Variants in CCDC91 observed in about 807,000 individuals in gnomAD.
The protein encoded by CCDC91 is coiled-coil domain-containing protein 91.
In CCDC91, 48 loss-of-function variants were observed where a neutral mutation model predicts 63.2. That is an observed-to-expected ratio of 0.76 (90% CI 0.60 to 0.97). The LOEUF is 0.97. Among genes scored for constraint, CCDC91 ranks in the 50% least tolerant of loss-of-function variants. The pLI is 0.00. For synonymous variants in CCDC91, 167 were observed against 165.8 expected (o/e 1.01, Z -0.06); for missense variants, 500 against 494.6 (o/e 1.01, Z -0.10).
Position 28,406,810 on chromosome 12 carries a change from A to AT in CCDC91, c.762+15408dup, listed in dbSNP as rs375722489. 9.0e-4 allele frequency among the ~76,000 whole-genome samples: 133 copies of AT among 148,198 alleles called. 1 individual carries two copies. In the East Asian group the frequency reaches 0.013, roughly 14 times the overall value. On this transcript the variant is annotated intron_variant, in intron 8 of 12. Coordinates refer to ENST00000536442, the MANE Select transcript of CCDC91 (RefSeq NM_018318.5). Reference sequence around the variant, plus strand: ...TTATATATGGTATCAGATTTTAACTATTTTTTTTTGAATATCAATACCCAA... The same window carrying AT: ...TTATATATGGTATCAGATTTTAACTATTTTTTTTTTGAATATCAATACCCAA...
At chr12:28,209,780 C>T (rs1250484308) in intron 1 of CCDC91, among the ~76,000 whole-genome samples, 1 of 152,056 alleles carries the variant, frequency 6.6e-6, no homozygotes, top group Admixed American at 6.6e-5. Flanking sequence ...TTAGCTTTAT[C>T]TAATTTTAAA....
At chr12:28,513,141 A>G (rs952231976) in intron 12 of CCDC91, among the ~76,000 whole-genome samples, 6 of 151,884 alleles carry the variant, frequency 4.0e-5, no homozygotes, top group Non-Finnish European at 7.4e-5. Context: ...TGAATAAACA[A>G]AAGAACATGC....
intron 3 of CCDC91, among the ~76,000 whole-genome samples, chr12:28,284,931 G>A (rs1397432004): frequency 6.6e-6 from 1 of 152,128 alleles, no homozygotes; most frequent in Admixed American, 6.5e-5. Flanking sequence ...TTTACTATGT[G>A]AAACATAACT....
chr12:28,353,557 T>C (rs1345264203), intron 6 of CCDC91, among the ~76,000 whole-genome samples: 4 of 152,146 alleles, frequency 2.6e-5, no homozygotes, highest in Non-Finnish European at 5.9e-5. Flanking sequence ...TATTATAGGG[T>C]TATTAATTGG....
chr12:28,210,572 T>A (rs1943165472), intron 1 of CCDC91, among the ~76,000 whole-genome samples: 2 of 152,166 alleles, frequency 1.3e-5, no homozygotes, highest in Admixed American at 1.3e-4. Context: ...GTGCCTCCTG[T>A]TTTTCCCAAG....
intron 8 of CCDC91, among the ~76,000 whole-genome samples, chr12:28,436,982 C>G (rs1252305099): frequency 1.3e-5 from 2 of 151,536 alleles, no homozygotes; most frequent in Non-Finnish European, 2.9e-5. Flanking sequence ...GAGTCTCGCT[C>G]TGTCTCCCAG....
chr12:28,271,217 G>A (rs1947747569), intron 3 of CCDC91, among the ~76,000 whole-genome samples: 1 of 152,044 alleles, frequency 6.6e-6, no homozygotes, highest in Admixed American at 6.6e-5. Flanking sequence ...GAGACAGAGG[G>A]AAACAGAGAG....
chr12:28,416,121 T>G (rs1475092743), intron 8 of CCDC91, among the ~76,000 whole-genome samples: 3 of 152,136 alleles, frequency 2.0e-5, no homozygotes, highest in Non-Finnish European at 4.4e-5. Flanking sequence ...TCCAAAAATC[T>G]AACACAGGAA....
At chr12:28,314,584 A>G (rs1021792234) in intron 6 of CCDC91, among the ~76,000 whole-genome samples, 3 of 151,912 alleles carry the variant, frequency 2.0e-5, no homozygotes, top group African/African-American at 7.2e-5. Flanking sequence ...TGAAGGAAAT[A>G]TTAGTACACA....
At chr12:28,489,344 G>A (rs1951880135) in intron 12 of CCDC91, among the ~76,000 whole-genome samples, 1 of 151,866 alleles carries the variant, frequency 6.6e-6, no homozygotes. Flanking sequence ...GCAGAAAAAT[G>A]AGATGGGAAA....
At chr12:28,331,925 G>C (rs1941550384) in intron 6 of CCDC91, among the ~76,000 whole-genome samples, 2 of 152,142 alleles carry the variant, frequency 1.3e-5, no homozygotes, top group African/African-American at 2.4e-5. Flanking sequence ...AACAATGTGA[G>C]ATGTGATACA....
At chr12:28,463,880 A>G (rs987235193) in intron 11 of CCDC91, among the ~76,000 whole-genome samples, 2 of 152,178 alleles carry the variant, frequency 1.3e-5, no homozygotes, top group African/African-American at 4.8e-5. Flanking sequence ...TAACTTCTAC[A>G]CAGAAAAAGC....
At chr12:28,395,536 A>G (rs565163312) in intron 8 of CCDC91, among the ~76,000 whole-genome samples, 1 of 152,254 alleles carries the variant, frequency 6.6e-6, no homozygotes, top group South Asian at 2.1e-4. Flanking sequence ...GAAACATTTT[A>G]CTTACGTTTC....
intron 1 of CCDC91, among the ~76,000 whole-genome samples, chr12:28,214,115 C>T (rs555315716): frequency 6.6e-6 from 1 of 152,056 alleles, no homozygotes; most frequent in East Asian, 1.9e-4. Context: ...GATCTTAGTT[C>T]CAGATGGTGG....
chr12:28,367,901 A>C (rs1944376658), intron 7 of CCDC91, among the ~76,000 whole-genome samples: 1 of 152,122 alleles, frequency 6.6e-6, no homozygotes, highest in South Asian at 2.1e-4. Context: ...CAGAACAAAA[A>C]CTGACCTTCC....
At chr12:28,227,969 A>C (rs1944373364) in intron 1 of CCDC91, among the ~76,000 whole-genome samples, 1 of 152,086 alleles carries the variant, frequency 6.6e-6, no homozygotes, top group African/African-American at 2.4e-5. Flanking sequence ...AGCGTGTCTA[A>C]AGAGTTTAGG....
chr12:28,194,937 A>G (rs1269229904), intron 1 of CCDC91, among the ~76,000 whole-genome samples: 4 of 152,216 alleles, frequency 2.6e-5, no homozygotes, highest in African/African-American at 9.6e-5. Flanking sequence ...GTTACAGCTC[A>G]TAAAGATAGT....
intron 3 of CCDC91, among the ~76,000 whole-genome samples, chr12:28,266,778 T>G (rs2136282152): frequency 6.6e-6 from 1 of 152,060 alleles, no homozygotes; most frequent in Middle Eastern, 3.4e-3. Context: ...CTATAGGGAT[T>G]TTCTGATACT....
At position 28,484,949 on chromosome 12, in the gene CCDC91, TATATA is replaced by T. The variant is rs1439293143; in HGVS notation, c.1215+790_1215+794del. The stretch of plus-strand genomic sequence containing the variant: ...ATATAAATATATTTATTTGTGCAAA[TATATA>T]ATATATTGCAAACATATATTGCATT... On this transcript the variant is annotated intron_variant, in intron 12 of 12. Coordinates refer to ENST00000536442, the MANE Select transcript of CCDC91 (RefSeq NM_018318.5). Among the ~76,000 whole-genome samples, 7 of 151,496 alleles carry T rather than the reference TATATA, an allele frequency of 4.6e-5. No homozygotes were observed. The South Asian group carries it at 8.3e-4, about 18-fold the overall frequency.
Sources: gnomAD v4.1 joint callset for allele counts (sites outside exome capture counted in the v4.1 genomes callset) on GRCh38, gnomAD v4.1.1 for gene constraint, MANE v1.5 for transcripts, NCBI Gene and HGNC (gene_info 2026-07-23, HGNC 2026-07-21) for gene names.